The following ZNF687 variants were observed in gnomAD, a reference collection of about 807,000 sequenced individuals.
ZNF687 encodes zinc finger protein 687.
ZNF687 carries 13 observed loss-of-function variants against 71.8 expected under a neutral mutation model. The observed-to-expected ratio is 0.18, with a 90% CI of 0.12 to 0.29. The LOEUF is 0.29. ZNF687 is among the 10% of genes least tolerant of loss of function. The pLI is 1.00. For missense variants in ZNF687, 1,412 were observed against 1,625.6 expected, an observed-to-expected ratio of 0.87 and a Z score of 2.26; for synonymous variants, 673 against 641.6, an observed-to-expected ratio of 1.05 and a Z score of -0.74.
chr1:151,286,453 A>G lies in ZNF687; in HGVS notation c.162A>G (p.Thr54=), dbSNP rs1268697078. The G allele has an allele frequency of 1.9e-6, 3 of 1,613,706 alleles. No homozygotes were observed. The highest frequency in any genetic ancestry group is 1.6e-4 in the Middle Eastern group (1 of 6,080). ...EPGVGSESED[T]AAASAGDGPG... The stretch of plus-strand genomic sequence containing the variant: ...GTGTAGGAAGTGAATCTGAAGACAC[A>G]GCAGCAGCCTCTGCTGGGGATGGCC... Residue 54 remains threonine, a synonymous_variant, in exon 2 of 9, where the codon ACA becomes ACG. Transcript: ENST00000336715.
At position 151,290,245 on chromosome 1, in the gene ZNF687, C is replaced by A. The variant is rs760016388; in HGVS notation, c.3077+11C>A. ...AGTTTACCCCTGCAGGTAAGTCTTG[C>A]TCCCCGCTTCCTCTTCCTGCCCAGC... On this transcript the variant is annotated intron_variant, in intron 7 of 8. Coordinates refer to ENST00000336715, the MANE Select transcript of ZNF687 (RefSeq NM_020832.3). 1 of 1,613,412 alleles carries A rather than the reference C, an allele frequency of 6.2e-7. No homozygotes were observed. Among genetic ancestry groups the A allele is most frequent in the Non-Finnish European group, 8.5e-7 (1 of 1,179,686 alleles).
upstream of ZNF687, chr1:151,282,055 AC>A (rs889693115): frequency 7.8e-7 from 1 of 1,282,854 alleles, no homozygotes; most frequent in African/African-American, 1.5e-5. Context: ...GGGCAGACGG[AC>A]CCCGGCGCAG....
rs587762489 is a variant in ZNF687 at position 151,291,952 on chromosome 1, G to C, written c.*743G>C. On this transcript the variant is annotated 3_prime_UTR_variant, in exon 9 of 9. Transcript: ENST00000336715. ...GACTTGGACAATGTGGAGTTGAAGC[G>C]GGTGAGAGAACATGGAAGGCCCGCC... 6.6e-6 allele frequency: 1 copy of C among 152,168 alleles called. No individual in the cohort carries two copies. Among genetic ancestry groups the C allele is most frequent in the African/African-American group, 2.4e-5 (1 of 41,382 alleles). 9.4% of individuals were successfully genotyped at this position (152,168 alleles called of 1,614,324 possible).
chr1:151,284,268 A>C (rs587654785), intron 1 of ZNF687: 2 of 985,194 alleles, frequency 2.0e-6, no homozygotes, highest in Non-Finnish European at 2.4e-6. Context: ...AGAAATGTGT[A>C]TGTATCTTGG....
Position 151,289,416 on chromosome 1 carries a change from C to A in ZNF687, c.2510C>A (p.Thr837Asn). ...YKCAMCDTVF[T>N]HKPLLSSHFD... is the part of the protein sequence containing the mutation. Reference sequence around the variant, plus strand: ...TGCGCCATGTGCGACACAGTCTTCACTCACAAACCCCTCCTCTCCTCACAC... The same window carrying A: ...TGCGCCATGTGCGACACAGTCTTCAATCACAAACCCCTCCTCTCCTCACAC... Residue 837 changes from threonine (T) to asparagine (N), a missense_variant, in exon 5 of 9, where the codon ACT becomes AAT. Around this residue, in one of 8 missense-constraint regions of ZNF687, gnomAD observed 106 missense variants for 146.0 expected, o/e 0.73. Coordinates refer to ENST00000336715, the MANE Select transcript of ZNF687 (RefSeq NM_020832.3). The A allele has an allele frequency of 6.2e-7, 1 of 1,614,220 alleles. No homozygotes were observed. The highest frequency in any genetic ancestry group is 8.5e-7 in the Non-Finnish European group (1 of 1,180,058).
At chr1:151,284,170 G>T in intron 1 of ZNF687, 3 of 985,430 alleles carry the variant, frequency 3.0e-6, no homozygotes, top group Non-Finnish European at 3.6e-6. Flanking sequence ...TAAAGTTAGG[G>T]GATGGAATGG....
intron 1 of ZNF687, 149 bp downstream of exon 1, chr1:151,282,544 C>T (rs1414165412): frequency 4.4e-6 from 2 of 453,372 alleles, no homozygotes; most frequent in Non-Finnish European, 5.8e-6. Context: ...GACACCGCCT[C>T]CATCCATTGG....
At chr1:151,283,535 A>G (rs1047940523) in intron 1 of ZNF687, among the ~76,000 whole-genome samples, 1 of 151,532 alleles carries the variant, frequency 6.6e-6, no homozygotes, top group Non-Finnish European at 1.5e-5. Context: ...GATGACCTCT[A>G]AGTCACTGGG....
At chr1:151,283,834 C>T (rs1693834978) in intron 1 of ZNF687, 1 of 985,420 alleles carries the variant, frequency 1.0e-6, no homozygotes, top group Non-Finnish European at 1.2e-6. Context: ...ATCCCAGCTG[C>T]CACTTGCTGG....
Position 151,288,586 on chromosome 1 carries a change from G to A in ZNF687, c.2174G>A (p.Arg725His). Reference sequence around the variant, plus strand: ...CGCTGCAGCTTCAGCGCCCACCAGCGCATGCATAAGAATCGACCCCCCCAT... The same window carrying A: ...CGCTGCAGCTTCAGCGCCCACCAGCACATGCATAAGAATCGACCCCCCCAT... Reference protein sequence around the residue: ...PNRCSFSAHQRMHKNRPPHVC... With the variant: ...PNRCSFSAHQHMHKNRPPHVC... The change falls in exon 3 of 9, where the codon CGC becomes CAC. Residue 725 changes from arginine (R) to histidine (H), a missense_variant. Physicochemically the swap from Arg to His is conservative, Grantham distance 29. Transcript: ENST00000336715. The A allele has an allele frequency of 6.2e-7, 1 of 1,614,058 alleles. No homozygotes were observed. Among genetic ancestry groups the A allele is most frequent in the Non-Finnish European group, 8.5e-7 (1 of 1,179,986 alleles).
chr1:151,286,141 C>A, intron 1 of ZNF687, 134 bp from the exon 2 acceptor site: 1 of 662,462 alleles, frequency 1.5e-6, no homozygotes, highest in Non-Finnish European at 2.5e-6. Context: ...GGATTCATGC[C>A]GTGGCGGAGG....
intron 1 of ZNF687, chr1:151,283,451 G>A (rs1693813575): frequency 5.4e-6 from 2 of 372,446 alleles, no homozygotes; most frequent in Middle Eastern, 1.3e-3. Flanking sequence ...GCAGTCGCAG[G>A]AAGGCCTGAT....
chr1:151,286,794 C>G lies in ZNF687; in HGVS notation c.503C>G (p.Pro168Arg). The G allele has an allele frequency of 6.2e-7, 1 of 1,614,220 alleles. No homozygotes were observed. Among genetic ancestry groups the G allele is most frequent in the Non-Finnish European group, 8.5e-7 (1 of 1,180,032 alleles). Residue 168 changes from proline to arginine, a missense_variant, in exon 2 of 9, where the codon CCT (proline) becomes CGT (arginine). Coordinates refer to ENST00000336715, the MANE Select transcript of ZNF687 (RefSeq NM_020832.3). ...TTGGACCTGTTTGCTCATTTTGGCCCTGAGCCAGGGGACCACTCAGATCCG... is the reference window on the plus strand; with the variant it reads ...TTGGACCTGTTTGCTCATTTTGGCCGTGAGCCAGGGGACCACTCAGATCCG... ...TPLDLFAHFGPEPGDHSDPLP... is the reference protein window; with the variant it reads ...TPLDLFAHFGREPGDHSDPLP...
intron 1 of ZNF687, chr1:151,284,258 A>C: frequency 1.0e-6 from 1 of 985,206 alleles, no homozygotes; most frequent in South Asian, 4.7e-5. Flanking sequence ...GCTGTGCTGG[A>C]GAAATGTGTA....
At chr1:151,282,484 A>T (rs754710343) in intron 1 of ZNF687, 89 bp downstream of exon 1, 2 of 912,418 alleles carry the variant, frequency 2.2e-6, no homozygotes, top group East Asian at 1.2e-4. Context: ...CACTTGGTCA[A>T]CTACCCCCTT....
rs748212209 is a variant in ZNF687 at position 151,286,505 on chromosome 1, C to G, written c.214C>G (p.His72Asp). The G allele has an allele frequency of 6.2e-7, 1 of 1,614,192 alleles. No homozygotes were observed. Among genetic ancestry groups the G allele is most frequent in the Non-Finnish European group, 8.5e-7 (1 of 1,180,024 alleles). ...GPGVPAQASDHGLPPPDISVV... is the reference protein window; with the variant it reads ...GPGVPAQASDDGLPPPDISVV... ...TGGAGTTCCAGCCCAGGCCTCTGAC[C>G]ATGGCCTGCCACCGCCAGACATTTC... Residue 72 changes from histidine (H) to aspartate (D), a missense_variant, in exon 2 of 9, where the codon CAT (histidine) becomes GAT (aspartate). Physicochemically the swap from His to Asp is moderately conservative, Grantham distance 81 (BLOSUM62 -1). Transcript: ENST00000336715.
rs1693944579 is a variant in ZNF687, at chr1:151,286,353, T to C, written c.62T>C (p.Ile21Thr). 3 of 1,602,504 alleles carry C rather than the reference T, an allele frequency of 1.9e-6. No individual in the cohort carries two copies. Among genetic ancestry groups the C allele is most frequent in the Non-Finnish European group, 2.5e-6 (3 of 1,176,718 alleles). Residue 21 changes from isoleucine (I) to threonine (T), a missense_variant, in exon 2 of 9, where the codon ATT becomes ACT. By Grantham distance (89) the Ile-to-Thr change is moderately conservative (BLOSUM62 -1). Transcript: ENST00000336715. ...CTTGCTGCCTTTGACATCCCTGACA[T>C]TGATGCGAATGAAGCCATCCATTCT... ...DLLAAFDIPD[I>T]DANEAIHSGP...
chr1:151,282,648 G>A (rs904909517), intron 1 of ZNF687, among the ~76,000 whole-genome samples: 7 of 152,304 alleles, frequency 4.6e-5, no homozygotes, highest in African/African-American at 1.2e-4. Context: ...TGGCGCCCCC[G>A]GCTCGAGAGG....
intron 1 of ZNF687, chr1:151,283,853 C>T: frequency 2.0e-6 from 2 of 985,384 alleles, no homozygotes; most frequent in South Asian, 4.7e-5. Context: ...GGGACTGTCT[C>T]TAGTTACAGT....
Sources: allele counts gnomAD v4.1 joint callset (sites outside exome capture counted in the v4.1 genomes callset), GRCh38; gene constraint gnomAD v4.1.1; regional missense constraint gnomAD v4.1.1; transcripts MANE v1.5; gene names NCBI Gene and HGNC (gene_info 2026-07-23, HGNC 2026-07-21).